The following SHB variants were observed in gnomAD, a reference collection of about 807,000 sequenced individuals.
SHB encodes the protein SH2 domain containing adaptor protein B.
Under a neutral mutation model 52.3 loss-of-function variants are expected in SHB, and 20 were observed. The ratio of observed to expected loss-of-function variants is 0.38; its 90% CI spans 0.27 to 0.56. The LOEUF is 0.56. Among genes scored for constraint, SHB ranks in the 20% least tolerant of loss-of-function variants. The pLI, the probability that SHB is intolerant of heterozygous loss-of-function variation, is 0.71. For synonymous variants in SHB, 397 were observed against 316.5 expected (o/e 1.25, Z -2.70); for missense variants, 825 against 723.3 (o/e 1.14, Z -1.61).
At chr9:37,938,030 C>G (rs1832393724) in intron 5 of SHB, among the ~76,000 whole-genome samples, 1 of 152,200 alleles carries the variant, frequency 6.6e-6, no homozygotes, top group Non-Finnish European at 1.5e-5. Context: ...GCTTCAAGCC[C>G]CACCGAATGC....
At chr9:38,024,259 GA>G (rs1821314849) in intron 1 of SHB, among the ~76,000 whole-genome samples, 1 of 152,250 alleles carries the variant, frequency 6.6e-6, no homozygotes, top group African/African-American at 2.4e-5. Flanking sequence ...ACACTGAGCT[GA>G]AATCTGTCTC....
chr9:38,040,431 T>C (rs1291213677), intron 1 of SHB, among the ~76,000 whole-genome samples: 2 of 152,130 alleles, frequency 1.3e-5, no homozygotes, highest in African/African-American at 4.8e-5. Context: ...TCCCCAGACA[T>C]GTGTCGGCAC....
chr9:38,061,324 A>G (rs1425540003), intron 1 of SHB, among the ~76,000 whole-genome samples: 2 of 151,944 alleles, frequency 1.3e-5, no homozygotes, highest in South Asian at 4.2e-4. Flanking sequence ...AAAAAAAAAA[A>G]AAAAGAAATA....
chr9:38,050,613 T>TG (rs1306165394), intron 1 of SHB, among the ~76,000 whole-genome samples: 1 of 152,166 alleles, frequency 6.6e-6, no homozygotes, highest in African/African-American at 2.4e-5. Context: ...ACTATGAAGG[T>TG]GGTCGTCAGA....
At chr9:38,028,912 G>C (rs944036809) in intron 1 of SHB, among the ~76,000 whole-genome samples, 27 of 152,164 alleles carry the variant, frequency 1.8e-4, no homozygotes, top group African/African-American at 6.3e-4. Context: ...GGGTGGTAGG[G>C]TGAGGGTGAG....
chr9:38,050,755 T>C (rs983310770), intron 1 of SHB, among the ~76,000 whole-genome samples: 5 of 152,158 alleles, frequency 3.3e-5, no homozygotes, highest in Non-Finnish European at 5.9e-5. Context: ...TACTCTTAAG[T>C]GTCTGCTAGT....
intron 1 of SHB, among the ~76,000 whole-genome samples, chr9:38,018,814 T>C (rs2118083972): frequency 6.6e-6 from 1 of 152,342 alleles, no homozygotes; most frequent in Non-Finnish European, 1.5e-5. Context: ...GTGACCACTG[T>C]CCAAGCTGCC....
rs1822007068 is a variant in SHB at position 38,068,475 on chromosome 9, C to A, written c.171G>T (p.Pro57=). ...AGGCTGAGAAGCAGGAGGCGGTGGCCGGACCGCAGGACGCCGAGGCGGCGG... is the reference window on the plus strand; with the variant it reads ...AGGCTGAGAAGCAGGAGGCGGTGGCAGGACCGCAGGACGCCGAGGCGGCGG... ...ASSAASASCG[P]ATASCFSASS... Residue 57 remains proline (P), a synonymous_variant, in exon 1 of 6, where the codon CCG becomes CCT. Coordinates refer to ENST00000377707, the MANE Select transcript of SHB (RefSeq NM_003028.3). 2 of 1,510,002 alleles carry A rather than the reference C, an allele frequency of 1.3e-6. No individual in the cohort carries two copies. The highest frequency in any genetic ancestry group is 4.2e-5 in the Admixed American group (2 of 47,764). The allele number at this position is 1,510,002 out of a possible 1,614,324, so 93.5% of individuals were successfully genotyped here.
rs541773649 is a variant in SHB at position 37,919,645 on chromosome 9, G to A, written c.*176C>T. On this transcript the variant is annotated 3_prime_UTR_variant, in exon 6 of 6. Coordinates refer to ENST00000377707, the MANE Select transcript of SHB (RefSeq NM_003028.3). ...TTGCCGCCCTTCTGTCTTTATCCAG[G>A]CCTTCTCCAGCCCCCGTAAGTGGCA... 1.1e-3 allele frequency: 601 copies of A among 547,972 alleles called. 11 individuals carry two copies. The South Asian group carries it at 0.015, about 14-fold the overall frequency. 33.9% of individuals were successfully genotyped at this position (547,972 alleles called of 1,614,324 possible).
intron 1 of SHB, among the ~76,000 whole-genome samples, chr9:38,033,697 C>G (rs1039231629): frequency 2.6e-5 from 4 of 152,120 alleles, no homozygotes; most frequent in Non-Finnish European, 5.9e-5. Context: ...TCCCATCTAT[C>G]CTGGGTCCCA....
At chr9:37,974,313 A>G (rs1015462193) in intron 3 of SHB, among the ~76,000 whole-genome samples, 1 of 152,150 alleles carries the variant, frequency 6.6e-6, no homozygotes, top group African/African-American at 2.4e-5. Flanking sequence ...TCAGTGAGCT[A>G]GGGTATTATC....
At chr9:37,994,976 T>C (rs967918321) in intron 2 of SHB, among the ~76,000 whole-genome samples, 1 of 152,152 alleles carries the variant, frequency 6.6e-6, no homozygotes, top group African/African-American at 2.4e-5. Flanking sequence ...CACAAACCCT[T>C]AATATCTGGA....
chr9:37,950,939 C>T (rs2103241), intron 4 of SHB, among the ~76,000 whole-genome samples: 14,837 of 152,252 alleles, frequency 0.097, 733 homozygotes, highest in South Asian at 0.12. Flanking sequence ...AGTGGGGATG[C>T]TGCCTCCTGG....
chr9:38,051,092 G>A (rs1821732765), intron 1 of SHB, among the ~76,000 whole-genome samples: 2 of 152,118 alleles, frequency 1.3e-5, no homozygotes, highest in African/African-American at 2.4e-5. Flanking sequence ...TTCAAAACCA[G>A]GCCCACTTCT....
chr9:37,920,310 CAAAACAAAACAA>C (rs1832164216), intron 5 of SHB, among the ~76,000 whole-genome samples: 1 of 147,398 alleles, frequency 6.8e-6, no homozygotes, highest in African/African-American at 2.5e-5. Flanking sequence ...CAAAACAAAA[CAAAACAAAACAA>C]AACAAAACAA....
intron 4 of SHB, among the ~76,000 whole-genome samples, chr9:37,952,559 T>A (rs1832578196): frequency 1.3e-5 from 2 of 152,136 alleles, no homozygotes; most frequent in South Asian, 4.2e-4. Flanking sequence ...AGACAGTCAG[T>A]CAGGTTGGCG....
chr9:37,983,438 G>A (rs1396162562), intron 2 of SHB, among the ~76,000 whole-genome samples: 2 of 152,126 alleles, frequency 1.3e-5, no homozygotes, highest in Admixed American at 6.5e-5. Context: ...AGTACTGCAT[G>A]GCAGCACCCC....
At chr9:37,991,170 G>A (rs777129926) in intron 2 of SHB, among the ~76,000 whole-genome samples, 1 of 152,148 alleles carries the variant, frequency 6.6e-6, no homozygotes, top group Non-Finnish European at 1.5e-5. Context: ...GGTCTATGTG[G>A]AACGAGGCAC....
At chr9:37,937,708 A>C (rs1252471171) in intron 5 of SHB, among the ~76,000 whole-genome samples, 1 of 152,272 alleles carries the variant, frequency 6.6e-6, no homozygotes, top group Non-Finnish European at 1.5e-5. Flanking sequence ...AGGGCTATAA[A>C]ATTTGACATC....
Sources: allele counts gnomAD v4.1 joint callset (sites outside exome capture counted in the v4.1 genomes callset), GRCh38; gene constraint gnomAD v4.1.1; transcripts MANE v1.5; gene names NCBI Gene and HGNC (gene_info 2026-07-23, HGNC 2026-07-21).